Variants in RXYLT1 observed in about 807,000 individuals in gnomAD.
The protein encoded by RXYLT1 is ribitol-5-phosphate xylosyltransferase 1.
A neutral mutation model predicts 43.5 loss-of-function variants in RXYLT1; 41 were observed. The ratio of observed to expected loss-of-function variants is 0.94; its 90% CI spans 0.73 to 1.22. The LOEUF is 1.22. RXYLT1 is among the 50% of genes most tolerant of loss of function. The pLI, the probability that RXYLT1 is intolerant of heterozygous loss-of-function variation, is 0.00. For synonymous variants in RXYLT1, 166 were observed against 194.4 expected (o/e 0.85, Z 1.21); for missense variants, 514 against 532.0 (o/e 0.97, Z 0.33).
intron 3 of RXYLT1, among the ~76,000 whole-genome samples, chr12:63,786,678 C>T (rs1897809631): frequency 1.3e-5 from 2 of 152,256 alleles, no homozygotes; most frequent in South Asian, 4.1e-4. Flanking sequence ...TTGCTGAAGG[C>T]TGGGGTGGCT....
rs144107321 is a variant in RXYLT1, at chr12:63,781,059, A to G, written c.210A>G (p.Glu70=). 2 of 1,608,014 alleles carry G rather than the reference A, an allele frequency of 1.2e-6. No individual in the cohort carries two copies. Among genetic ancestry groups the G allele is most frequent in the African/African-American group, 2.7e-5 (2 of 74,654 alleles). Reference sequence around the variant, plus strand: ...AAAGTGAAGAATGGAATCCTTGGGAAGGAGATGAAAAAAATGAGCAACAAC... The same window carrying G: ...AAAGTGAAGAATGGAATCCTTGGGAGGGAGATGAAAAAAATGAGCAACAAC... ...TLESEEWNPW[E]GDEKNEQQHR... is the part of the protein sequence containing the mutation. Residue 70 remains glutamate (E), a synonymous_variant, in exon 2 of 6, where the codon GAA becomes GAG. Transcript: ENST00000261234.
chr12:63,803,876 C>T (rs1275434268), intron 4 of RXYLT1: 1 of 130,968 alleles, frequency 7.6e-6, no homozygotes, highest in African/African-American at 2.9e-5. Flanking sequence ...TTTTTTGAGA[C>T]GAAGTCTTGC....
Position 63,808,763 on chromosome 12 carries a change from A to G in RXYLT1, c.1003A>G (p.Asn335Asp). Reference sequence around the variant, plus strand: ...TCTCACATTGTGCCCGGTCGGAGTAAACACAGAATGCTATCGAATCTATGA... The same window carrying G: ...TCTCACATTGTGCCCGGTCGGAGTAGACACAGAATGCTATCGAATCTATGA... ...SDLTLCPVGV[N>D]TECYRIYEAC... The change falls in exon 6 of 6, where the codon AAC becomes GAC. Residue 335 changes from asparagine (N) to aspartate (D), a missense_variant. Coordinates refer to ENST00000261234, the MANE Select transcript of RXYLT1 (RefSeq NM_014254.3). 2 of 1,613,082 alleles carry G rather than the reference A, an allele frequency of 1.2e-6. No homozygotes were observed. Among genetic ancestry groups the G allele is most frequent in the Non-Finnish European group, 1.7e-6 (2 of 1,179,838 alleles).
intron 5 of RXYLT1, chr12:63,808,269 A>G (rs1404027899): frequency 1.1e-5 from 2 of 189,044 alleles, no homozygotes; most frequent in African/African-American, 4.8e-5. Flanking sequence ...TGCTCTACTT[A>G]CTCCTTTGCT....
At chr12:63,798,390 G>A (rs1159791211) in intron 3 of RXYLT1, among the ~76,000 whole-genome samples, 7 of 152,200 alleles carry the variant, frequency 4.6e-5, no homozygotes, top group African/African-American at 9.6e-5. Context: ...TATACTCACT[G>A]TAATCACTTC....
At chr12:63,785,246 T>C (rs1316174834) in intron 3 of RXYLT1, 174 bp downstream of exon 3, 1 of 376,430 alleles carries the variant, frequency 2.7e-6, no homozygotes, top group African/African-American at 2.1e-5. Context: ...TTAAGCTTAC[T>C]TGGACCTTAT....
At chr12:63,805,493 G>A in intron 5 of RXYLT1, 89 bp downstream of exon 5, 1 of 1,277,984 alleles carries the variant, frequency 7.8e-7, no homozygotes, top group Non-Finnish European at 1.1e-6. Context: ...AAGAGGCATT[G>A]TTAACTCTAT....
rs989944091 is a variant in RXYLT1, at chr12:63,802,325, C to T, written c.663C>T (p.Phe221=). 1.2e-6 allele frequency: 2 copies of T among 1,612,704 alleles called. No homozygotes were observed. The highest frequency in any genetic ancestry group is 1.7e-6 in the Non-Finnish European group (2 of 1,178,890). The stretch of plus-strand genomic sequence containing the variant: ...CATTCCTCAAAAGAAATGGAGGCTT[C>T]GTGGAGCTGCTTTTCATAATATATG... ...INPFLKRNGG[F]VELLFIIYDS... The change falls in exon 4 of 6, where the codon TTC becomes TTT. Residue 221 remains phenylalanine (F), a synonymous_variant. Coordinates refer to ENST00000261234, the MANE Select transcript of RXYLT1 (RefSeq NM_014254.3).
At position 63,808,900 on chromosome 12, in the gene RXYLT1, T is replaced by C. The variant is rs1592859739; in HGVS notation, c.1140T>C (p.Gly380=). The C allele has an allele frequency of 2.0e-5, 33 of 1,614,148 alleles. No individual in the cohort carries two copies. The East Asian group carries it at 7.4e-4, about 36-fold the overall frequency. ...CTCTGCAGTTACTCAAGTCCATGGG[T>C]GCTCCCTTTATCTTTATCAAGAACT... The part of the protein sequence containing the change: ...GAPLQLLKSM[G]APFIFIKNWK... The change falls in exon 6 of 6, where the codon GGT becomes GGC. Residue 380 remains glycine, a synonymous_variant. Transcript: ENST00000261234.
chr12:63,796,388 T>A (rs1021579102), intron 3 of RXYLT1, among the ~76,000 whole-genome samples: 1 of 152,234 alleles, frequency 6.6e-6, no homozygotes, highest in African/African-American at 2.4e-5. Context: ...GTAAAGTTAC[T>A]GTTTTTTTCC....
chr12:63,781,231 G>A (rs2136219829), intron 2 of RXYLT1, 57 bp downstream of exon 2: 1 of 1,321,310 alleles, frequency 7.6e-7, no homozygotes, highest in South Asian at 2.1e-5. Context: ...GTATTTTATT[G>A]ATATGAAATT....
At chr12:63,793,865 C>T (rs553704507) in intron 3 of RXYLT1, among the ~76,000 whole-genome samples, 1 of 152,202 alleles carries the variant, frequency 6.6e-6, no homozygotes, top group South Asian at 2.1e-4. Flanking sequence ...GTTAATCGCC[C>T]TTACCTAAAA....
intron 4 of RXYLT1, chr12:63,804,240 C>G (rs1263709702): frequency 6.6e-6 from 1 of 152,166 alleles, no homozygotes; most frequent in Non-Finnish European, 1.5e-5. Flanking sequence ...CAGCTGAACA[C>G]CCCACAATGT....
chr12:63,804,640 A>G (rs1009768995), intron 4 of RXYLT1: 4 of 152,238 alleles, frequency 2.6e-5, no homozygotes, highest in African/African-American at 9.6e-5. Context: ...ACAAATCCGT[A>G]ACCTTATATA....
At position 63,781,097 on chromosome 12, in the gene RXYLT1, C is replaced by T; in HGVS notation, c.248C>T (p.Thr83Ile). ...AATGAGCAACAACACAGATTTAAAA[C>T]TAGCCTTCAAATATTAGATAAATCC... is the stretch of plus-strand genomic sequence containing the variant. ...EKNEQQHRFK[T>I]SLQILDKSTK... Residue 83 changes from threonine (T) to isoleucine (I), a missense_variant, in exon 2 of 6, where the codon ACT becomes ATT. By Grantham distance (89) the Thr-to-Ile change is moderately conservative. Transcript: ENST00000261234. 1 of 1,609,752 alleles carries T rather than the reference C, an allele frequency of 6.2e-7. No individual in the cohort carries two copies. The highest frequency in any genetic ancestry group is 1.1e-5 in the South Asian group (1 of 90,142).
intron 3 of RXYLT1, among the ~76,000 whole-genome samples, chr12:63,796,039 C>T (rs1425264808): frequency 1.3e-5 from 2 of 152,148 alleles, no homozygotes; most frequent in African/African-American, 2.4e-5. Context: ...TACAGATACA[C>T]ACATTCCCAC....
intron 3 of RXYLT1, among the ~76,000 whole-genome samples, chr12:63,793,713 T>C (rs935790833): frequency 1.3e-5 from 2 of 152,152 alleles, no homozygotes; most frequent in African/African-American, 4.8e-5. Context: ...CAAATATTTA[T>C]GACCAAAAGG....
intron 2 of RXYLT1, among the ~76,000 whole-genome samples, chr12:63,783,965 T>C (rs1897744934): frequency 6.6e-6 from 1 of 152,158 alleles, no homozygotes; most frequent in Non-Finnish European, 1.5e-5. Context: ...TCTGCTTCTA[T>C]CTTTATATAT....
At chr12:63,783,234 G>T (rs1265444932) in intron 2 of RXYLT1, among the ~76,000 whole-genome samples, 1 of 152,186 alleles carries the variant, frequency 6.6e-6, no homozygotes, top group Non-Finnish European at 1.5e-5. Context: ...GCTGAGGCCG[G>T]TGGATCACTT....
Sources: gnomAD v4.1 joint callset for allele counts (sites outside exome capture counted in the v4.1 genomes callset) on GRCh38, gnomAD v4.1.1 for gene constraint, MANE v1.5 for transcripts, NCBI Gene and HGNC (gene_info 2026-07-23, HGNC 2026-07-21) for gene names.